TRIM66: variants seen among roughly 807,000 people sequenced by gnomAD.
TRIM66 encodes the protein tripartite motif containing 66, also known as tripartite motif-containing protein 66.
A neutral mutation model predicts 148.2 loss-of-function variants in TRIM66; 99 were observed. That is an observed-to-expected ratio of 0.67 (90% CI 0.57 to 0.79). The LOEUF is 0.79. Among genes scored for constraint, TRIM66 ranks in the 30% least tolerant of loss-of-function variants. The pLI is 0.00. For synonymous variants in TRIM66, 616 were observed against 635.9 expected (o/e 0.97, Z 0.47); for missense variants, 1,666 against 1,697.9 (o/e 0.98, Z 0.33).
chr11:8,677,352 C>T (rs985300496), intron 3 of TRIM66, among the ~76,000 whole-genome samples: 22 of 152,176 alleles, frequency 1.4e-4, no homozygotes, highest in African/African-American at 4.1e-4. Flanking sequence ...TGGCACCTAG[C>T]ATAGGAACAT....
chr11:8,678,028 G>T (rs972083932), intron 3 of TRIM66: 4 of 152,202 alleles, frequency 2.6e-5, no homozygotes, highest in African/African-American at 9.7e-5. Context: ...GGCTAGGGAG[G>T]TTAAAATGAA....
intron 6 of TRIM66, among the ~76,000 whole-genome samples, chr11:8,653,342 G>A (rs2037528146): frequency 6.6e-6 from 1 of 152,228 alleles, no homozygotes; most frequent in Non-Finnish European, 1.5e-5. Flanking sequence ...CAGCAAAAGT[G>A]ACAAGTTTTC....
rs2036289030 is a variant in TRIM66 at position 8,640,572 on chromosome 11, C to G, written c.1803G>C (p.Gln601His). Reference sequence around the variant, plus strand: ...GGAGGGGTGGTGGTGGAGGTGGTAGCTGCTGCTGTGGCTGCTGCTGAAAGT... The same window carrying G: ...GGAGGGGTGGTGGTGGAGGTGGTAGGTGCTGCTGTGGCTGCTGCTGAAAGT... ...LSHFQQQPQQQLPPPPPPLPH... is the reference protein window; with the variant it reads ...LSHFQQQPQQHLPPPPPPLPH... Residue 601 changes from glutamine (Q) to histidine (H), a missense_variant, in exon 14 of 25, where the codon CAG becomes CAC. Physicochemically the swap from Gln to His is conservative, Grantham distance 24. This residue lies in a region of TRIM66 where 1,431 missense variants were observed against 1,412.4 expected (regional missense o/e 1.01). Transcript: ENST00000646038. The G allele has an allele frequency of 6.5e-7, 1 of 1,548,784 alleles. No homozygotes were observed. The highest frequency in any genetic ancestry group is 2.4e-5 in the East Asian group (1 of 40,828).
chr11:8,660,270 A>G (rs986334371), intron 6 of TRIM66, among the ~76,000 whole-genome samples: 1 of 152,124 alleles, frequency 6.6e-6, no homozygotes, highest in Non-Finnish European at 1.5e-5. Context: ...TCCAGCCAAA[A>G]TTAACTCCCT....
intron 3 of TRIM66, among the ~76,000 whole-genome samples, chr11:8,678,782 T>C (rs2039295755): frequency 6.6e-6 from 1 of 152,210 alleles, no homozygotes; most frequent in Non-Finnish European, 1.5e-5. Context: ...ATGTTGCTGC[T>C]ATCTGAAGGA....
chr11:8,665,807 G>A (rs1321348808), intron 6 of TRIM66, among the ~76,000 whole-genome samples: 1 of 151,930 alleles, frequency 6.6e-6, no homozygotes, highest in Non-Finnish European at 1.5e-5. Flanking sequence ...AAATTAGCCG[G>A]GCGTGGTGGT....
At chr11:8,676,522 G>A (rs753081140) in intron 3 of TRIM66, among the ~76,000 whole-genome samples, 16 of 152,140 alleles carry the variant, frequency 1.1e-4, no homozygotes, top group Non-Finnish European at 2.1e-4. Flanking sequence ...AATTCAGGGA[G>A]GTAGCATGGC....
intron 6 of TRIM66, among the ~76,000 whole-genome samples, chr11:8,666,872 C>T (rs559623266): frequency 1.6e-4 from 24 of 152,270 alleles, no homozygotes; most frequent in Non-Finnish European, 2.6e-4. Flanking sequence ...TGCAGTGGCG[C>T]GATCTCAGCT....
chr11:8,677,859 C>T (rs148678226), intron 3 of TRIM66, among the ~76,000 whole-genome samples: 343 of 152,262 alleles, frequency 2.3e-3, no homozygotes, highest in African/African-American at 8.0e-3. Context: ...CCATGTAGAA[C>T]ACTCTATCCA....
Position 8,613,084 on chromosome 11 carries a change from G to C in TRIM66, c.*4860C>G, listed in dbSNP as rs2033497386. The C allele has an allele frequency of 6.6e-6, 1 of 152,254 alleles. No individual in the cohort carries two copies. Among genetic ancestry groups the C allele is most frequent in the Admixed American group, 6.5e-5 (1 of 15,286 alleles). The allele number at this position is 152,254 out of a possible 1,614,324, so 9.4% of individuals were successfully genotyped here. Reference sequence around the variant, plus strand: ...AAACATGGTTGGCATGAGGAGAACTGAGTTCAGGAAAAGGAAGGGACTCAG... The same window carrying C: ...AAACATGGTTGGCATGAGGAGAACTCAGTTCAGGAAAAGGAAGGGACTCAG... On this transcript the variant is annotated 3_prime_UTR_variant, in exon 25 of 25. Coordinates refer to ENST00000646038, the MANE Select transcript of TRIM66 (RefSeq NM_001388022.1).
chr11:8,621,347 G>T, intron 19 of TRIM66, 26 bp from the exon 20 acceptor site: 1 of 1,540,600 alleles, frequency 6.5e-7, no homozygotes. Context: ...AGTCTGGGCA[G>T]CCAGAGCACA....
Position 8,667,670 on chromosome 11 carries a change from C to T in TRIM66, c.340+4116G>A, listed in dbSNP as rs559693690. ...GTAACCAGAATCATACAGTACTTGCCCTGTTATGACAGGCTTACCTCATTT... is the reference window on the plus strand; with the variant it reads ...GTAACCAGAATCATACAGTACTTGCTCTGTTATGACAGGCTTACCTCATTT... On this transcript the variant is annotated intron_variant, in intron 6 of 24. Transcript: ENST00000646038. Among the ~76,000 whole-genome samples the T allele has an allele frequency of 7.2e-5, 11 of 152,294 alleles. No individual in the cohort carries two copies. The East Asian group carries it at 1.7e-3, about 24-fold the overall frequency.
chr11:8,651,757 T>G (rs1373437345), intron 7 of TRIM66, 43 bp downstream of exon 7: 1 of 1,489,050 alleles, frequency 6.7e-7, no homozygotes, highest in Non-Finnish European at 9.2e-7. Flanking sequence ...GCCTCACAGA[T>G]TTCTGAAAAA....
Position 8,646,457 on chromosome 11 carries a change from T to C in TRIM66, c.947A>G (p.Glu316Gly). Residue 316 changes from glutamate to glycine, a missense_variant, in exon 11 of 25, where the codon GAG becomes GGG. Glu to Gly is a moderately conservative substitution (Grantham distance 98). Transcript: ENST00000646038. The part of the protein sequence containing the change: ...ELNKQANGLI[E>G]ELEGITNERK... ...TCTGTCTATACATACCTCTAATTCC[T>C]CTATTAGCCCATTGGCCTGTTTGTT... 4 of 1,552,236 alleles carry C rather than the reference T, an allele frequency of 2.6e-6. No homozygotes were observed. Among genetic ancestry groups the C allele is most frequent in the Non-Finnish European group, 3.5e-6 (4 of 1,147,056 alleles).
intron 6 of TRIM66, among the ~76,000 whole-genome samples, chr11:8,669,422 T>C (rs1196105160): frequency 6.6e-6 from 1 of 152,094 alleles, no homozygotes; most frequent in African/African-American, 2.4e-5. Context: ...GGCAGGCAGG[T>C]CACTTGAGGT....
intron 15 of TRIM66, among the ~76,000 whole-genome samples, chr11:8,627,120 T>C (rs529692524): frequency 3.9e-5 from 6 of 152,234 alleles, no homozygotes; most frequent in Non-Finnish European, 7.3e-5. Flanking sequence ...GTGATATCAT[T>C]TGATTAATGT....
At chr11:8,670,007 GT>G (rs752586311) in intron 6 of TRIM66, among the ~76,000 whole-genome samples, 13 of 138,548 alleles carry the variant, frequency 9.4e-5, no homozygotes, top group South Asian at 2.5e-4. Flanking sequence ...GTCTTGTTTT[GT>G]TTTTATTTAT....
rs1450839636 is a variant in TRIM66 at position 8,624,467 on chromosome 11, C to T, written c.2911G>A (p.Ala971Thr). The change falls in exon 17 of 25, where the codon GCC becomes ACC. Residue 971 changes from alanine to threonine, a missense_variant. Transcript: ENST00000646038. The part of the protein sequence containing the change: ...VPGLDAPKDL[A>T]IPSELEEPIN... ...GGCTCCTCCAGTTCTGAGGGGATGG[C>T]CAAGTCCTTGGGAGCATCCAGACCG... 2 of 1,551,556 alleles carry T rather than the reference C, an allele frequency of 1.3e-6. No individual in the cohort carries two copies. Among genetic ancestry groups the T allele is most frequent in the Non-Finnish European group, 1.7e-6 (2 of 1,146,960 alleles).
At chr11:8,651,170 A>C (rs547628738) in intron 7 of TRIM66, among the ~76,000 whole-genome samples, 3 of 152,342 alleles carry the variant, frequency 2.0e-5, no homozygotes, top group African/African-American at 7.2e-5. Context: ...CCTTGAATGT[A>C]GAGTATATGG....
Sources: allele counts gnomAD v4.1 joint callset (sites outside exome capture counted in the v4.1 genomes callset), GRCh38; gene constraint gnomAD v4.1.1; regional missense constraint gnomAD v4.1.1; transcripts MANE v1.5; gene names NCBI Gene and HGNC (gene_info 2026-07-23, HGNC 2026-07-21).